Variants in CALCRL observed in about 807,000 individuals in gnomAD.
The protein encoded by CALCRL is calcitonin gene-related peptide type 1 receptor.
In CALCRL, 27 loss-of-function variants were observed where a neutral mutation model predicts 60.4. That is an observed-to-expected ratio of 0.45 (90% confidence interval 0.33 to 0.62). CALCRL has a LOEUF of 0.62. Among genes scored for constraint, CALCRL ranks in the 20% least tolerant of loss-of-function variants. CALCRL has a pLI of 0.03. For missense variants in CALCRL, 424 were observed against 540.7 expected (o/e 0.78, Z 2.14); for synonymous variants, 190 against 182.6 (o/e 1.04, Z -0.33).
In CALCRL at chr2:187,343,922, A is replaced by T. The variant is rs545405303; in HGVS notation, c.*2262T>A. 1.3e-5 allele frequency: 2 copies of T among 151,768 alleles called. No homozygotes were observed. The highest frequency in any genetic ancestry group is 2.4e-5 in the African/African-American group (1 of 41,548). 9.4% of individuals were successfully genotyped at this position (151,768 alleles called of 1,614,324 possible). A position where few individuals can be genotyped will look rare whatever the true frequency, so the allele number is the denominator to read the frequency against. ...CAGACAAACCCTGGCTATAAAATAAATCTGATCTAGAATTAATATTATAAA... is the reference window on the plus strand; with the variant it reads ...CAGACAAACCCTGGCTATAAAATAATTCTGATCTAGAATTAATATTATAAA... On this transcript the variant is annotated 3_prime_UTR_variant, in exon 15 of 15. Transcript: ENST00000392370.
chr2:187,376,604 A>T (rs1687764883), intron 8 of CALCRL, among the ~76,000 whole-genome samples: 1 of 152,112 alleles, frequency 6.6e-6, no homozygotes, highest in Non-Finnish European at 1.5e-5. Flanking sequence ...CACAGCAAGC[A>T]TTTTCCATTA....
At chr2:187,442,714 A>C (rs561004690) in intron 1 of CALCRL, among the ~76,000 whole-genome samples, 2 of 152,034 alleles carry the variant, frequency 1.3e-5, no homozygotes, top group African/African-American at 4.8e-5. Flanking sequence ...TCAAAACTAA[A>C]ATTTTCCGAC....
chr2:187,368,144 C>T (rs750054795), intron 8 of CALCRL, among the ~76,000 whole-genome samples: 2 of 152,004 alleles, frequency 1.3e-5, no homozygotes, highest in African/African-American at 4.8e-5. Flanking sequence ...AATTGTACTT[C>T]ATAGGATTGG....
chr2:187,376,343 T>G (rs1189461288), intron 8 of CALCRL, among the ~76,000 whole-genome samples: 1 of 152,176 alleles, frequency 6.6e-6, no homozygotes, highest in Non-Finnish European at 1.5e-5. Flanking sequence ...ACATTGTGCC[T>G]TATATATTTT....
In CALCRL at chr2:187,374,019, TA is replaced by T. The variant is rs1479319146; in HGVS notation, c.500+4920del. Among the ~76,000 whole-genome samples the T allele has an allele frequency of 7.2e-5, 11 of 152,000 alleles. No homozygotes were observed. In the East Asian group the frequency reaches 2.1e-3, roughly 29 times the overall value. On this transcript the variant is annotated intron_variant, in intron 8 of 14. Transcript: ENST00000392370. ...CTAAAGAAAAAAATATTTAAAAAAT[TA>T]TCTGGGTGTGGTGGTGTGTGCCTGT...
At chr2:187,355,139 T>G (rs1686714933) in intron 12 of CALCRL, among the ~76,000 whole-genome samples, 1 of 152,070 alleles carries the variant, frequency 6.6e-6, no homozygotes, top group Non-Finnish European at 1.5e-5. Context: ...TATAATACCC[T>G]GTGAGGTATA....
intron 1 of CALCRL, among the ~76,000 whole-genome samples, chr2:187,429,215 G>GC (rs1690292959): frequency 3.3e-5 from 5 of 151,184 alleles, no homozygotes; most frequent in African/African-American, 1.2e-4. Flanking sequence ...CATCTGTCAA[G>GC]TTTTGGTCAG....
At chr2:187,416,822 G>A (rs936713617) in intron 1 of CALCRL, among the ~76,000 whole-genome samples, 2 of 152,022 alleles carry the variant, frequency 1.3e-5, no homozygotes, top group African/African-American at 4.8e-5. Context: ...GCAAAGGGCT[G>A]TTTCTTATGT....
At position 187,394,789 on chromosome 2, in the gene CALCRL, A is replaced by G. The variant is rs543219166; in HGVS notation, c.-292-7033T>C. 7.9e-5 allele frequency among the ~76,000 whole-genome samples: 12 copies of G among 152,160 alleles called. No individual in the cohort carries two copies. In the South Asian group the frequency reaches 2.3e-3, roughly 29 times the overall value. ...AGACACACACTAAAGTCAAAGAAAC[A>G]TATCTTTAATGCCAGTTCTTATACA... On this transcript the variant is annotated intron_variant, in intron 1 of 14. Transcript: ENST00000392370.
At chr2:187,417,969 C>T (rs761592905) in intron 1 of CALCRL, among the ~76,000 whole-genome samples, 1 of 152,136 alleles carries the variant, frequency 6.6e-6, no homozygotes, top group East Asian at 1.9e-4. Context: ...TCATCAATAT[C>T]GCCTACATTT....
At chr2:187,382,205 G>GA (rs1472895897) in intron 5 of CALCRL, among the ~76,000 whole-genome samples, 1 of 152,098 alleles carries the variant, frequency 6.6e-6, no homozygotes, top group Non-Finnish European at 1.5e-5. Context: ...GGTATTCCAT[G>GA]AAAAAAGTTT....
At chr2:187,442,368 T>C (rs78554902) in intron 1 of CALCRL, among the ~76,000 whole-genome samples, 1 of 149,774 alleles carries the variant, frequency 6.7e-6, no homozygotes, top group Non-Finnish European at 1.5e-5. Context: ...TTTGAATGTA[T>C]TTTTTTTTAA....
intron 1 of CALCRL, among the ~76,000 whole-genome samples, chr2:187,395,289 C>T (rs1034131193): frequency 3.9e-5 from 6 of 152,020 alleles, no homozygotes; most frequent in African/African-American, 4.8e-5. Context: ...TTCTATTTTG[C>T]TTATTCAGTT....
chr2:187,362,516 C>A (rs1364665913), intron 9 of CALCRL, among the ~76,000 whole-genome samples: 2 of 151,942 alleles, frequency 1.3e-5, no homozygotes, highest in Admixed American at 1.3e-4. Flanking sequence ...GGTAAAAATT[C>A]TTTCCCTTCC....
chr2:187,363,543 G>GT (rs936038114), intron 8 of CALCRL, 41 bp from the exon 9 acceptor site: 8 of 1,519,162 alleles, frequency 5.3e-6, no homozygotes, highest in African/African-American at 2.9e-5. Flanking sequence ...ATCATGAAAT[G>GT]TTTTTTTATT....
At chr2:187,363,321 G>A in intron 9 of CALCRL, 55 bp downstream of exon 9, 1 of 1,550,916 alleles carries the variant, frequency 6.4e-7, no homozygotes, top group Non-Finnish European at 8.7e-7. Flanking sequence ...TATCAGCCAT[G>A]TTCCCCCTTT....
At chr2:187,352,982 A>G (rs1686601267) in intron 12 of CALCRL, among the ~76,000 whole-genome samples, 1 of 151,932 alleles carries the variant, frequency 6.6e-6, no homozygotes, top group Admixed American at 6.6e-5. Flanking sequence ...GTCTGCAATG[A>G]CATAATATTC....
At chr2:187,348,463 T>C (rs1686382664) in intron 14 of CALCRL, among the ~76,000 whole-genome samples, 1 of 151,644 alleles carries the variant, frequency 6.6e-6, no homozygotes, top group Non-Finnish European at 1.5e-5. Flanking sequence ...ATATAAAGTA[T>C]GAGAAAAAGC....
intron 1 of CALCRL, among the ~76,000 whole-genome samples, chr2:187,396,430 G>T (rs2105813502): frequency 6.6e-6 from 1 of 151,778 alleles, no homozygotes; most frequent in East Asian, 1.9e-4. Flanking sequence ...ATTGGAACAG[G>T]CTTAATGCTT....
Sources: gnomAD v4.1 joint callset for allele counts (sites outside exome capture counted in the v4.1 genomes callset) on GRCh38, gnomAD v4.1.1 for gene constraint, MANE v1.5 for transcripts, NCBI Gene and HGNC (gene_info 2026-07-23, HGNC 2026-07-21) for gene names.